The following CCDC30 variants were observed in gnomAD, a reference collection of about 807,000 sequenced individuals.
CCDC30 encodes coiled-coil domain containing 30.
CCDC30 carries 70 observed loss-of-function variants against 100.2 expected under a neutral mutation model. That is an observed-to-expected ratio of 0.70 (90% CI 0.58 to 0.85). CCDC30 has a LOEUF of 0.85. Among genes scored for constraint, CCDC30 ranks in the 40% least tolerant of loss-of-function variants. The probability of loss-of-function intolerance (pLI) is 0.00; values close to 1 mark genes in which losing one functional copy is unlikely to be tolerated. For synonymous variants in CCDC30, 233 were observed against 269.5 expected (o/e 0.86, Z 1.33); for missense variants, 652 against 771.2 (o/e 0.85, Z 1.83).
chr1:42,470,632 AT>A (rs1354182265), intron 1 of CCDC30, among the ~76,000 whole-genome samples: 5 of 152,374 alleles, frequency 3.3e-5, no homozygotes, highest in African/African-American at 1.2e-4. Flanking sequence ...TCAATCTTAA[AT>A]GAAATTATGA....
intron 1 of CCDC30, among the ~76,000 whole-genome samples, chr1:42,469,021 TA>T (rs529616688): frequency 5.2e-4 from 72 of 137,682 alleles, no homozygotes; most frequent in East Asian, 1.7e-3. Flanking sequence ...AGAACAGAAT[TA>T]AAAAAAAAAA....
intron 6 of CCDC30, among the ~76,000 whole-genome samples, chr1:42,562,450 T>G (rs1645510909): frequency 6.6e-6 from 1 of 152,098 alleles, no homozygotes; most frequent in Admixed American, 6.5e-5. Context: ...TAAACAAAAA[T>G]TAACTCAAGA....
chr1:42,474,228 G>T (rs900947382), intron 1 of CCDC30, among the ~76,000 whole-genome samples: 9 of 152,176 alleles, frequency 5.9e-5, no homozygotes, highest in Non-Finnish European at 1.2e-4. Context: ...ACATTAGGCA[G>T]ATGGGGGTGA....
intron 8 of CCDC30, among the ~76,000 whole-genome samples, chr1:42,579,797 AC>A (rs1645924224): frequency 6.6e-6 from 1 of 152,082 alleles, no homozygotes; most frequent in Non-Finnish European, 1.5e-5. Context: ...AAAGTTCAAG[AC>A]CAGCCTGAGC....
At chr1:42,494,200 G>A (rs966298805) in intron 4 of CCDC30, among the ~76,000 whole-genome samples, 17 of 152,248 alleles carry the variant, frequency 1.1e-4, no homozygotes, top group African/African-American at 3.4e-4. Context: ...AAATAACACC[G>A]CATATCTACA....
In CCDC30 at chr1:42,552,728, T is replaced by C. The variant is rs187857505; in HGVS notation, c.457-13568T>C. Among the ~76,000 whole-genome samples, 109 of 151,290 alleles carry C rather than the reference T, an allele frequency of 7.2e-4. No individual in the cohort carries two copies. In the East Asian group the frequency reaches 0.015, roughly 21 times the overall value. The stretch of plus-strand genomic sequence containing the variant: ...AGCACATGGCTGAGAAGGGGAGGAG[T>C]GACTTGTGACTTCTCTCCCCGGGGC... On this transcript the variant is annotated intron_variant, in intron 6 of 16. Transcript: ENST00000668663.
chr1:42,585,041 T>TC (rs1646041652), intron 9 of CCDC30, among the ~76,000 whole-genome samples: 1 of 152,212 alleles, frequency 6.6e-6, no homozygotes, highest in African/African-American at 2.4e-5. Flanking sequence ...TTTTGGAAGG[T>TC]AATTAATTAT....
At chr1:42,641,243 G>GTGTA (rs1418713477) in intron 12 of CCDC30, among the ~76,000 whole-genome samples, 12 of 151,472 alleles carry the variant, frequency 7.9e-5, no homozygotes, top group Admixed American at 7.9e-4. Flanking sequence ...GTGTGTGTGT[G>GTGTA]TGTGTGTGTG....
Position 42,589,572 on chromosome 1 carries a change from C to A in CCDC30, c.1164+89C>A, listed in dbSNP as rs10789417. 1,789 of 1,144,428 alleles carry A rather than the reference C, an allele frequency of 1.6e-3. 24 individuals are homozygous for A. The African/African-American group carries it at 0.026, about 16-fold the overall frequency. 70.9% of individuals were successfully genotyped at this position (1,144,428 alleles called of 1,614,324 possible). On this transcript the variant is annotated intron_variant, in intron 10 of 16. Transcript: ENST00000668663. ...TTGAGTGCCTAGCACTTTACTAAAC[C>A]TAATCCTTTAGTCAGGGTTCAGTCA...
In CCDC30 at chr1:42,581,580, AT is replaced by A. The variant is rs1460573126; in HGVS notation, c.1001+72del. ...ATGACTGAGTTAATCAGCAATATCAATTTTTTCTAACAGAATATCAGAGAGT... is the reference window on the plus strand; with the variant it reads ...ATGACTGAGTTAATCAGCAATATCAATTTTTCTAACAGAATATCAGAGAGT... On this transcript the variant is annotated intron_variant, in intron 9 of 16. Coordinates refer to ENST00000668663, the Ensembl canonical transcript of CCDC30. 4 of 1,437,260 alleles carry A rather than the reference AT, an allele frequency of 2.8e-6. No homozygotes were observed. The African/African-American group carries it at 5.8e-5, about 21-fold the overall frequency. The allele number at this position is 1,437,260 out of a possible 1,614,324, so 89.0% of individuals were successfully genotyped here. A position where few individuals can be genotyped will look rare whatever the true frequency, so the allele number is the denominator to read the frequency against.
chr1:42,613,001 C>G (rs1646654330), intron 11 of CCDC30, among the ~76,000 whole-genome samples: 1 of 151,964 alleles, frequency 6.6e-6, no homozygotes, highest in African/African-American at 2.4e-5. Context: ...ACAAACATTC[C>G]AAAGTATCCT....
chr1:42,544,540 G>A (rs1024842943), intron 6 of CCDC30, among the ~76,000 whole-genome samples: 5 of 151,940 alleles, frequency 3.3e-5, no homozygotes, highest in Non-Finnish European at 7.4e-5. Context: ...TTTGAGACAG[G>A]GTCTCACTCT....
intron 6 of CCDC30, among the ~76,000 whole-genome samples, chr1:42,549,830 T>C (rs1250430584): frequency 6.6e-6 from 1 of 152,196 alleles, no homozygotes; most frequent in Non-Finnish European, 1.5e-5. Flanking sequence ...AGCCTGTCCT[T>C]GTTTTATTAG....
intron 7 of CCDC30, among the ~76,000 whole-genome samples, chr1:42,576,034 A>G (rs1054355367): frequency 6.6e-6 from 1 of 152,204 alleles, no homozygotes; most frequent in South Asian, 2.1e-4. Context: ...AAAGAGATAG[A>G]CAAGGGCCAG....
intron 6 of CCDC30, among the ~76,000 whole-genome samples, chr1:42,546,541 G>A (rs914697507): frequency 6.7e-6 from 1 of 148,866 alleles, no homozygotes; most frequent in Non-Finnish European, 1.5e-5. Flanking sequence ...TTCTCACCAG[G>A]GAAAGATGTT....
chr1:42,508,365 T>C (rs1351716168), intron 6 of CCDC30, among the ~76,000 whole-genome samples: 1 of 152,190 alleles, frequency 6.6e-6, no homozygotes, highest in African/African-American at 2.4e-5. Flanking sequence ...ATGGGAGCCT[T>C]ATCCCTTAAT....
intron 6 of CCDC30, among the ~76,000 whole-genome samples, chr1:42,552,327 G>T (rs568033028): frequency 5.3e-5 from 8 of 152,270 alleles, no homozygotes; most frequent in African/African-American, 1.7e-4. Context: ...TGCTCTGAAT[G>T]TGGCTGTACA....
intron 11 of CCDC30, among the ~76,000 whole-genome samples, chr1:42,615,603 A>G (rs990851098): frequency 6.6e-6 from 1 of 151,970 alleles, no homozygotes; most frequent in Non-Finnish European, 1.5e-5. Flanking sequence ...GCGCCCGGCC[A>G]AGCAATTCTT....
intron 1 of CCDC30, among the ~76,000 whole-genome samples, chr1:42,465,852 C>T (rs1643562476): frequency 6.6e-6 from 1 of 152,208 alleles, no homozygotes; most frequent in Non-Finnish European, 1.5e-5. Context: ...CTCAGAATGT[C>T]AGTAGTGCCA....
Sources: allele counts gnomAD v4.1 joint callset (sites outside exome capture counted in the v4.1 genomes callset), GRCh38; gene constraint gnomAD v4.1.1; transcripts MANE v1.5; gene names NCBI Gene and HGNC (gene_info 2026-07-23, HGNC 2026-07-21).